Variants in PCDHGB4 observed in about 807,000 individuals in gnomAD.
The protein encoded by PCDHGB4 is protocadherin gamma-B4.
In PCDHGB4, 38 loss-of-function variants were observed where a neutral mutation model predicts 60.5. That is an observed-to-expected ratio of 0.63 (90% CI 0.48 to 0.82). PCDHGB4 has a LOEUF of 0.82. Ranked by LOEUF, PCDHGB4 falls within the 40% of genes least tolerant of loss-of-function variation. PCDHGB4 has a pLI of 0.00. For synonymous variants in PCDHGB4, 456 were observed against 509.7 expected, an observed-to-expected ratio of 0.89 and a Z score of 1.42; for missense variants, 1,109 against 1,209.6, an observed-to-expected ratio of 0.92 and a Z score of 1.23.
chr5:141,512,068 C>T lies in PCDHGB4; in HGVS notation c.*895C>T, dbSNP rs1215311369. 6.6e-6 allele frequency: 1 copy of T among 152,664 alleles called. No individual in the cohort carries two copies. The highest frequency in any genetic ancestry group is 1.5e-5 in the Non-Finnish European group (1 of 68,066). The allele number at this position is 152,664 out of a possible 1,614,324, so 9.5% of individuals were successfully genotyped here. On this transcript the variant is annotated 3_prime_UTR_variant, in exon 4 of 4. Transcript: ENST00000519479. The stretch of plus-strand genomic sequence containing the variant: ...TCCTCAGGGGACTGACAACATCCTC[C>T]AGATTCCAGCCATAAACCAATAACT...
chr5:141,426,691 G>A, intron 1 of PCDHGB4: 1 of 435,886 alleles, frequency 2.3e-6, no homozygotes, highest in South Asian at 1.6e-5. Context: ...CCCCAAAATA[G>A]CATTGTTTTA....
At chr5:141,499,061 G>A (rs1300036203) in intron 2 of PCDHGB4, among the ~76,000 whole-genome samples, 1 of 151,914 alleles carries the variant, frequency 6.6e-6, no homozygotes, top group African/African-American at 2.4e-5. Flanking sequence ...AAATGAAGAA[G>A]ACTTACATTC....
chr5:141,395,041 T>C (rs2093154278), intron 1 of PCDHGB4: 1 of 1,613,994 alleles, frequency 6.2e-7, no homozygotes, highest in South Asian at 1.1e-5. Flanking sequence ...TTTGTGGGTG[T>C]TGAGGAGGTA....
intron 1 of PCDHGB4, chr5:141,404,242 G>T (rs372976589): frequency 1.2e-6 from 2 of 1,613,462 alleles, no homozygotes; most frequent in Non-Finnish European, 1.7e-6. Flanking sequence ...GAGGAACTCC[G>T]CCCCTGTCCA....
In PCDHGB4 at chr5:141,404,772, G is replaced by A. The variant is rs764262966; in HGVS notation, c.2397+14491G>A. On this transcript the variant is annotated intron_variant, in intron 1 of 3. Transcript: ENST00000519479. ...GGCCAGAATGCTTGGCTCTCCTACC[G>A]CCTATTCAAGGCCAGTGAGCCAGGG... The A allele has an allele frequency of 9.9e-6, 16 of 1,613,820 alleles. No individual in the cohort carries two copies. The highest frequency in any genetic ancestry group is 5.0e-5 in the Admixed American group (3 of 60,000).
chr5:141,482,591 A>G lies in PCDHGB4; in HGVS notation c.2398-12216A>G, dbSNP rs115650612. Among the ~76,000 whole-genome samples the G allele has an allele frequency of 6.3e-4, 95 of 151,838 alleles. 1 individual carries two copies. The highest frequency in any genetic ancestry group is 2.3e-3 in the African/African-American group (95 of 41,350). On this transcript the variant is annotated intron_variant, in intron 1 of 3. Coordinates refer to ENST00000519479, the MANE Select transcript of PCDHGB4 (RefSeq NM_003736.4). ...ATAGCATAAGATGCAGTGGGACCAA[A>G]CGGGAAAAAACACCTAAATGAGCCT...
intron 1 of PCDHGB4, chr5:141,414,799 G>T (rs1177065576): frequency 1.9e-6 from 3 of 1,614,096 alleles, no homozygotes; most frequent in Non-Finnish European, 2.5e-6. Flanking sequence ...CAGCGACAGC[G>T]GGGATCCTCC....
intron 1 of PCDHGB4, chr5:141,402,918 A>G: frequency 6.4e-7 from 1 of 1,570,054 alleles, no homozygotes; most frequent in Non-Finnish European, 8.6e-7. Context: ...GCGCGCACAG[A>G]GATCCTTTTG....
chr5:141,484,907 C>T, intron 1 of PCDHGB4: 1 of 409,994 alleles, frequency 2.4e-6, no homozygotes, highest in Non-Finnish European at 4.3e-6. Context: ...AATGCTGCGA[C>T]GCATTAACCC....
At chr5:141,428,141 G>C (rs1314061143) in intron 1 of PCDHGB4, 2 of 1,596,500 alleles carry the variant, frequency 1.3e-6, no homozygotes, top group African/African-American at 2.7e-5. Context: ...GCCTGGGGCT[G>C]CACACGGGAA....
At chr5:141,483,501 G>C (rs1022338958) in intron 1 of PCDHGB4, among the ~76,000 whole-genome samples, 2 of 150,394 alleles carry the variant, frequency 1.3e-5, no homozygotes, top group African/African-American at 4.9e-5. Context: ...ATGAGTCAAG[G>C]CTGATCCCCC....
chr5:141,414,078 T>C lies in PCDHGB4; in HGVS notation c.2397+23797T>C, dbSNP rs777190406. 3.1e-6 allele frequency: 5 copies of C among 1,603,326 alleles called. No individual in the cohort carries two copies. In the South Asian group the frequency reaches 4.5e-5, roughly 14 times the overall value. ...TGTTGAAGTTCCAACTAAACAAATA[T>C]ACTGGAGAAATAAAAATATCAGAAA... On this transcript the variant is annotated intron_variant, in intron 1 of 3. Transcript: ENST00000519479.
At chr5:141,404,408 A>C (rs2154535328) in intron 1 of PCDHGB4, 1 of 1,613,900 alleles carries the variant, frequency 6.2e-7, no homozygotes, top group East Asian at 2.2e-5. Flanking sequence ...TGAGAATTCT[A>C]GAGTTATTTA....
intron 2 of PCDHGB4, among the ~76,000 whole-genome samples, chr5:141,501,690 A>G (rs760011264): frequency 5.3e-5 from 8 of 152,158 alleles, no homozygotes; most frequent in Non-Finnish European, 1.0e-4. Context: ...ACTTATCTGC[A>G]GGGTGATTCC....
At chr5:141,405,246 A>G (rs1163477660) in intron 1 of PCDHGB4, 10 of 1,614,126 alleles carry the variant, frequency 6.2e-6, no homozygotes, top group Non-Finnish European at 8.5e-6. Flanking sequence ...GACTCAAGGA[A>G]GAGTCACCTG....
At chr5:141,499,648 CAT>C (rs1434824310) in intron 2 of PCDHGB4, among the ~76,000 whole-genome samples, 2 of 148,784 alleles carry the variant, frequency 1.3e-5, no homozygotes, top group Admixed American at 6.7e-5. Flanking sequence ...TCTCAGACAT[CAT>C]ATAATTTCAT....
chr5:141,409,953 CCGG>C (rs1418234891), intron 1 of PCDHGB4: 2 of 1,613,280 alleles, frequency 1.2e-6, no homozygotes, highest in Non-Finnish European at 1.7e-6. Flanking sequence ...TCTGCAGAGC[CCGG>C]CTACCTAGTG....
rs747064148 is a variant in PCDHGB4, at chr5:141,395,059, T to C, written c.2397+4778T>C. 1 of 1,614,180 alleles carries C rather than the reference T, an allele frequency of 6.2e-7. No individual in the cohort carries two copies. The stretch of plus-strand genomic sequence containing the variant: ...GTGGGTGTTGAGGAGGTACAGGCTT[T>C]CCTGCAGACCTATTCCCAGGAAGTC... On this transcript the variant is annotated intron_variant, in intron 1 of 3. Transcript: ENST00000519479.
intron 1 of PCDHGB4, among the ~76,000 whole-genome samples, chr5:141,454,204 T>G (rs1161344350): frequency 3.3e-5 from 5 of 152,170 alleles, no homozygotes; most frequent in Non-Finnish European, 1.5e-5. Context: ...GTGAATTTAT[T>G]GACATGAATG....
Sources: gnomAD v4.1 joint callset for allele counts (sites outside exome capture counted in the v4.1 genomes callset) on GRCh38, gnomAD v4.1.1 for gene constraint, MANE v1.5 for transcripts, NCBI Gene and HGNC (gene_info 2026-07-23, HGNC 2026-07-21) for gene names.